The following LRRC37A2 variants were observed in gnomAD, a reference collection of about 807,000 sequenced individuals.
LRRC37A2 encodes the protein leucine rich repeat containing 37 member A2.
In LRRC37A2, 9 loss-of-function variants were observed where a neutral mutation model predicts 68.8. The observed-to-expected ratio is 0.13, with a 90% CI of 0.08 to 0.23. The LOEUF is 0.23. LRRC37A2 is among the 10% of genes least tolerant of loss of function. The pLI, the probability that LRRC37A2 is intolerant of heterozygous loss-of-function variation, is 1.00. For missense variants in LRRC37A2, 168 were observed against 950.4 expected, an observed-to-expected ratio of 0.18 and a Z score of 10.82; for synonymous variants, 63 against 367.6, an observed-to-expected ratio of 0.17 and a Z score of 9.48.
the LRRC37A2 span, among the ~76,000 whole-genome samples, chr17:46,798,820 C>T: frequency 1.3e-5 from 2 of 152,160 alleles, no homozygotes; most frequent in African/African-American, 2.4e-5. Flanking sequence ...GAGGCCAAGG[C>T]GGGTGGATCA....
the LRRC37A2 span, among the ~76,000 whole-genome samples, chr17:46,893,023 C>T: frequency 1.9e-3 from 286 of 152,090 alleles, 1 homozygote; most frequent in African/African-American, 6.7e-3. Flanking sequence ...GCAACCTCTG[C>T]CTCCTGGTTC....
the LRRC37A2 span, chr17:46,875,325 C>A: frequency 1.9e-6 from 3 of 1,612,502 alleles, no homozygotes; most frequent in Non-Finnish European, 2.5e-6. Context: ...CAAGGACCTG[C>A]GGGCACGGGC....
At chr17:46,986,942 G>A in the LRRC37A2 span, among the ~76,000 whole-genome samples, 19 of 152,186 alleles carry the variant, frequency 1.2e-4, no homozygotes, top group East Asian at 7.7e-4. Flanking sequence ...AGAGGCTGGC[G>A]GAGTGCATAA....
At chr17:46,931,321 T>C in the LRRC37A2 span, 1 of 715,102 alleles carries the variant, frequency 1.4e-6, no homozygotes, top group Non-Finnish European at 2.6e-6. Flanking sequence ...TGAAAAACTA[T>C]GACTATGCAA....
At chr17:46,775,126 G>C in the LRRC37A2 span, among the ~76,000 whole-genome samples, 1 of 152,242 alleles carries the variant, frequency 6.6e-6, no homozygotes, top group Non-Finnish European at 1.5e-5. Flanking sequence ...GCTGGACACA[G>C]GGCCGAGCCA....
At chr17:46,997,765 T>C in the LRRC37A2 span, among the ~76,000 whole-genome samples, 519 of 152,170 alleles carry the variant, frequency 3.4e-3, 3 homozygotes, top group African/African-American at 0.012. Context: ...AGGTTAGAAG[T>C]TTGAGACCAG....
At chr17:46,500,974 G>T in the LRRC37A2 span, among the ~76,000 whole-genome samples, 2 of 151,198 alleles carry the variant, frequency 1.3e-5, no homozygotes. Flanking sequence ...GAGGTGAGGA[G>T]TTTGAGACCA....
the LRRC37A2 span, among the ~76,000 whole-genome samples, chr17:46,902,825 C>G: frequency 1.3e-5 from 2 of 152,120 alleles, no homozygotes; most frequent in Admixed American, 6.5e-5. Flanking sequence ...GGGAAGGGAT[C>G]GCCATCTTCA....
chr17:47,045,074 T>C, the LRRC37A2 span, among the ~76,000 whole-genome samples: 1 of 134,556 alleles, frequency 7.4e-6, no homozygotes, highest in African/African-American at 2.7e-5. Flanking sequence ...AATGCTGGGT[T>C]ACGGTTCCGG....
chr17:46,941,266 G>A, the LRRC37A2 span: 2 of 986,464 alleles, frequency 2.0e-6, no homozygotes, highest in Non-Finnish European at 1.2e-6. Flanking sequence ...CCTTTGCCCT[G>A]ATGAATTTGA....
At chr17:46,917,268 G>A in the LRRC37A2 span, 3 of 152,192 alleles carry the variant, frequency 2.0e-5, no homozygotes, top group Non-Finnish European at 2.9e-5. Context: ...TCCTCCAGCT[G>A]TGAGCCTGTG....
At chr17:47,026,878 A>C in the LRRC37A2 span, among the ~76,000 whole-genome samples, 8 of 151,814 alleles carry the variant, frequency 5.3e-5, no homozygotes, top group African/African-American at 1.9e-4. Flanking sequence ...AAACAGACCT[A>C]AACTAAGAAG....
the LRRC37A2 span, among the ~76,000 whole-genome samples, chr17:46,863,005 C>T: frequency 1.3e-5 from 2 of 152,264 alleles, no homozygotes; most frequent in East Asian, 3.8e-4. Flanking sequence ...ACGGGCCTGG[C>T]TCTCAGACCC....
At chr17:47,036,479 T>G in the LRRC37A2 span, among the ~76,000 whole-genome samples, 1 of 152,234 alleles carries the variant, frequency 6.6e-6, no homozygotes, top group African/African-American at 2.4e-5. Context: ...GGCTCTTACA[T>G]TTAGGTATTT....
At chr17:46,786,941 CTT>C in the LRRC37A2 span, among the ~76,000 whole-genome samples, 37 of 142,488 alleles carry the variant, frequency 2.6e-4, no homozygotes, top group Non-Finnish European at 2.2e-4. Context: ...TTTCTTTTTT[CTT>C]TTTTTTTTTT....
chr17:46,886,600 C>T, the LRRC37A2 span: 8 of 152,192 alleles, frequency 5.3e-5, no homozygotes, highest in Non-Finnish European at 1.2e-4. Context: ...TAAGCTGTAT[C>T]TACACCTCAC....
the LRRC37A2 span, among the ~76,000 whole-genome samples, chr17:46,868,371 C>T: frequency 6.6e-6 from 1 of 151,868 alleles, no homozygotes; most frequent in Non-Finnish European, 1.5e-5. Flanking sequence ...GTGGGCGGAT[C>T]ACATGAGGTC....
chr17:46,726,035 G>A, the LRRC37A2 span, among the ~76,000 whole-genome samples: 465 of 152,122 alleles, frequency 3.1e-3, 2 homozygotes, highest in African/African-American at 0.011. Flanking sequence ...GGTTTTATAC[G>A]TACATCTATC....
At chr17:47,000,066 AAATAAAATAAAAAAT>A in the LRRC37A2 span, among the ~76,000 whole-genome samples, 9 of 23,028 alleles carry the variant, frequency 3.9e-4, no homozygotes, top group Admixed American at 9.5e-4. Flanking sequence ...AATAAAATTA[AAATAAAATAAAAAAT>A]AAAATAAAAT....
Sources: gnomAD v4.1 joint callset for allele counts (sites outside exome capture counted in the v4.1 genomes callset) on GRCh38, gnomAD v4.1.1 for gene constraint, MANE v1.5 for transcripts, NCBI Gene and HGNC (gene_info 2026-07-23, HGNC 2026-07-21) for gene names.